TJP1: variants seen among roughly 807,000 people sequenced by gnomAD.
TJP1 encodes tight junction protein 1.
TJP1 carries 43 observed loss-of-function variants against 194.2 expected under a neutral mutation model. That is an observed-to-expected ratio of 0.22 (90% CI 0.17 to 0.29). The LOEUF is 0.29. TJP1 is among the 10% of genes least tolerant of loss of function. TJP1 has a pLI of 1.00. For synonymous variants in TJP1, 801 were observed against 779.0 expected, an observed-to-expected ratio of 1.03 and a Z score of -0.47; for missense variants, 1,971 against 2,185.7, an observed-to-expected ratio of 0.90 and a Z score of 1.96.
chr15:29,708,510 A>G lies in TJP1; in HGVS notation c.4850+49T>C, dbSNP rs181248969. 2.2e-4 allele frequency: 324 copies of G among 1,441,366 alleles called. 2 individuals carry two copies. The South Asian group carries it at 3.8e-3, about 17-fold the overall frequency. The allele number at this position is 1,441,366 out of a possible 1,614,324, so 89.3% of individuals were successfully genotyped here. A position where few individuals can be genotyped will look rare whatever the true frequency, so the allele number is the denominator to read the frequency against. On this transcript the variant is annotated intron_variant, in intron 25 of 27. Coordinates refer to ENST00000614355, the MANE Select transcript of TJP1 (RefSeq NM_001330239.4). ...GTCAAATAAACTACAACAAACTCAC[A>G]TGAGAAAAATCACAGGGCCAATGCT...
chr15:29,760,372 A>C, intron 8 of TJP1: 1 of 639,938 alleles, frequency 1.6e-6, no homozygotes. Flanking sequence ...TGGCATAAAT[A>C]CTAGTGTTTT....
At chr15:29,836,855 C>T (rs562474916) in intron 2 of TJP1, among the ~76,000 whole-genome samples, 1 of 152,270 alleles carries the variant, frequency 6.6e-6, no homozygotes, top group East Asian at 1.9e-4. Context: ...AAACAGTCTT[C>T]CTCCCCTCTA....
upstream of TJP1, among the ~76,000 whole-genome samples, chr15:29,826,875 G>A (rs945557015): frequency 3.3e-5 from 5 of 152,128 alleles, no homozygotes; most frequent in Admixed American, 6.5e-5. Flanking sequence ...TGTGTGTTTT[G>A]TAAGTGAAGG....
rs2041468575 is a variant in TJP1, at chr15:29,700,414, A to C, written c.*1181T>G. The C allele has an allele frequency of 2.5e-6, 1 of 398,858 alleles. No homozygotes were observed. Among genetic ancestry groups the C allele is most frequent in the Non-Finnish European group, 4.4e-6 (1 of 226,046 alleles). 24.7% of individuals were successfully genotyped at this position (398,858 alleles called of 1,614,324 possible). On this transcript the variant is annotated 3_prime_UTR_variant, in exon 28 of 28. Coordinates refer to ENST00000614355, the MANE Select transcript of TJP1 (RefSeq NM_001330239.4). ...CTGAGTAACTGTATCTTTTAAATGC[A>C]GCACTTAAAAATGTAACAACTCTGT...
Position 29,719,926 on chromosome 15 carries a change from T to A in TJP1, c.2854A>T (p.Thr952Ser), listed in dbSNP as rs1234115120. 6.2e-7 allele frequency: 1 copy of A among 1,614,176 alleles called. No individual in the cohort carries two copies. Reference sequence around the variant, plus strand: ...GTGGGCTCCTCCAGTCTGACATTAGTTAAATTTACATTATGATTAACAGCA... The same window carrying A: ...GTGGGCTCCTCCAGTCTGACATTAGATAAATTTACATTATGATTAACAGCA... ...TSAVNHNVNLTNVRLEEPTPA... is the reference protein window; with the variant it reads ...TSAVNHNVNLSNVRLEEPTPA... The change falls in exon 20 of 28, where the codon ACT (threonine) becomes TCT (serine). Residue 952 changes from threonine (T) to serine (S), a missense_variant. Around this residue, in one of 5 missense-constraint regions of TJP1, gnomAD observed 1,108 missense variants for 1,128.5 expected, o/e 0.98. Coordinates refer to ENST00000614355, the MANE Select transcript of TJP1 (RefSeq NM_001330239.4).
chr15:29,818,658 C>T (rs1315404041), intron 1 of TJP1, among the ~76,000 whole-genome samples: 2 of 146,492 alleles, frequency 1.4e-5, no homozygotes, highest in African/African-American at 5.1e-5. Context: ...GTGCTCGCCA[C>T]CAGGCCCGGC....
chr15:29,710,736 T>C (rs946901210), intron 24 of TJP1, 95 bp downstream of exon 24: 3 of 1,489,654 alleles, frequency 2.0e-6, no homozygotes, highest in Non-Finnish European at 2.8e-6. Context: ...TTCAAGCATG[T>C]ATTTTTTAAT....
intron 1 of TJP1, among the ~76,000 whole-genome samples, chr15:29,957,129 G>C (rs1334411416): frequency 6.6e-6 from 1 of 152,096 alleles, no homozygotes; most frequent in Non-Finnish European, 1.5e-5. Context: ...ATCTAAACAT[G>C]ATAGCACACA....
chr15:29,746,468 C>T (rs367756065), intron 8 of TJP1, among the ~76,000 whole-genome samples: 26 of 151,742 alleles, frequency 1.7e-4, no homozygotes, highest in African/African-American at 5.8e-4. Flanking sequence ...TACCATATAG[C>T]TATTTAAAAA....
At chr15:29,950,549 C>T (rs79954538) in intron 2 of TJP1, among the ~76,000 whole-genome samples, 4,691 of 152,258 alleles carry the variant, frequency 0.031, 263 homozygotes, top group African/African-American at 0.11. Context: ...AGCAGAGGAG[C>T]CCACGATGCT....
At position 29,800,678 on chromosome 15, in the gene TJP1, T is replaced by A; in HGVS notation, c.52A>T (p.Ile18Leu). ...AKSTAMEETA[I>L]WEQHTVTLHR... is the part of the protein sequence containing the mutation. ...AGCGTCACTGTATGTTGTTCCCATA[T>A]AGCTGTTTCCTCCATTGCTGTGCTC... The change falls in exon 2 of 28, where the codon ATA (isoleucine) becomes TTA (leucine). Residue 18 changes from isoleucine to leucine, a missense_variant. By Grantham distance (5) the Ile-to-Leu change is conservative. Around this residue, in one of 5 missense-constraint regions of TJP1, gnomAD observed 245 missense variants for 336.6 expected, o/e 0.73. Transcript: ENST00000614355. 6.2e-7 allele frequency: 1 copy of A among 1,613,938 alleles called. No individual in the cohort carries two copies. The highest frequency in any genetic ancestry group is 8.5e-7 in the Non-Finnish European group (1 of 1,179,956).
At chr15:29,703,632 T>C (rs975468894) in intron 27 of TJP1, among the ~76,000 whole-genome samples, 2 of 151,960 alleles carry the variant, frequency 1.3e-5, no homozygotes, top group Non-Finnish European at 2.9e-5. Context: ...ATAGTCAATA[T>C]TTGGCCATAT....
chr15:29,940,776 A>T (rs940361007), intron 2 of TJP1, among the ~76,000 whole-genome samples: 32 of 152,226 alleles, frequency 2.1e-4, no homozygotes, highest in African/African-American at 7.7e-4. Flanking sequence ...TTCAACACAC[A>T]GGAAAGCATT....
chr15:29,780,418 C>T (rs1019440780), intron 2 of TJP1, among the ~76,000 whole-genome samples: 8 of 152,088 alleles, frequency 5.3e-5, no homozygotes, highest in African/African-American at 1.9e-4. Flanking sequence ...GAATGTGATG[C>T]CGCCACAGGA....
At chr15:29,925,621 A>G (rs2054501238) in intron 2 of TJP1, among the ~76,000 whole-genome samples, 1 of 152,076 alleles carries the variant, frequency 6.6e-6, no homozygotes, top group African/African-American at 2.4e-5. Flanking sequence ...CCTTTTTTCT[A>G]GTATGGGCTG....
intron 2 of TJP1, among the ~76,000 whole-genome samples, chr15:29,835,873 A>G (rs1281453555): frequency 6.6e-6 from 1 of 151,946 alleles, no homozygotes; most frequent in Non-Finnish European, 1.5e-5. Context: ...CAAATAGGTA[A>G]ATAGATGGAC....
chr15:29,712,558 A>G (rs777137592), intron 23 of TJP1, among the ~76,000 whole-genome samples: 3 of 152,236 alleles, frequency 2.0e-5, no homozygotes, highest in Non-Finnish European at 4.4e-5. Flanking sequence ...ATAAAGGAAC[A>G]TATCACTAAC....
intron 1 of TJP1, among the ~76,000 whole-genome samples, chr15:29,817,512 C>T (rs1177443000): frequency 2.0e-5 from 3 of 152,080 alleles, no homozygotes; most frequent in Non-Finnish European, 4.4e-5. Context: ...AAATCATTCT[C>T]CTATAAAGAC....
chr15:29,966,022 TG>T (rs1171032754), intron 1 of TJP1, among the ~76,000 whole-genome samples: 2 of 152,240 alleles, frequency 1.3e-5, no homozygotes, highest in African/African-American at 4.8e-5. Context: ...ATGAATTGCT[TG>T]GATATAAAAG....
Sources: allele counts gnomAD v4.1 joint callset (sites outside exome capture counted in the v4.1 genomes callset), GRCh38; gene constraint gnomAD v4.1.1; regional missense constraint gnomAD v4.1.1; transcripts MANE v1.5; gene names NCBI Gene and HGNC (gene_info 2026-07-23, HGNC 2026-07-21).